The following SMURF1 variants were observed in gnomAD, a reference collection of about 807,000 sequenced individuals.
SMURF1 encodes SMAD specific E3 ubiquitin protein ligase 1.
SMURF1 carries 44 observed loss-of-function variants against 98.0 expected under a neutral mutation model. That is an observed-to-expected ratio of 0.45 (90% confidence interval 0.35 to 0.58). The LOEUF is 0.58. Among genes scored for constraint, SMURF1 ranks in the 20% least tolerant of loss-of-function variants. The pLI, the probability that SMURF1 is intolerant of heterozygous loss-of-function variation, is 0.00. For missense variants in SMURF1, 687 were observed against 938.4 expected (o/e 0.73, Z 3.50); for synonymous variants, 396 against 374.9 (o/e 1.06, Z -0.65).
chr7:99,061,291 T>G (rs1796029745), intron 2 of SMURF1, among the ~76,000 whole-genome samples: 1 of 152,198 alleles, frequency 6.6e-6, no homozygotes, highest in Non-Finnish European at 1.5e-5. Context: ...TCAGAAAGTG[T>G]GTGAAGAATT....
At position 99,035,501 on chromosome 7, in the gene SMURF1, T is replaced by G. The variant is rs1256954242; in HGVS notation, c.2011+14A>C. On this transcript the variant is annotated intron_variant, in intron 16 of 17. Transcript: ENST00000361368. ...AGACGCGTCATCGAATAGCCCTGCC[T>G]CCACGTCAGTCACCTTGCAAAGCCT... is the stretch of plus-strand genomic sequence containing the variant. The G allele has an allele frequency of 1.1e-5, 18 of 1,613,972 alleles. No homozygotes were observed. Among genetic ancestry groups the G allele is most frequent in the Non-Finnish European group, 1.5e-5 (18 of 1,179,988 alleles).
At chr7:99,073,361 G>A (rs1173350662) in intron 1 of SMURF1, among the ~76,000 whole-genome samples, 3 of 142,520 alleles carry the variant, frequency 2.1e-5, no homozygotes, top group African/African-American at 7.9e-5. Context: ...CCTGGGCAAC[G>A]AGTGAGACTC....
intron 6 of SMURF1, among the ~76,000 whole-genome samples, chr7:99,052,655 G>A (rs535287629): frequency 3.3e-5 from 5 of 152,208 alleles, no homozygotes; most frequent in East Asian, 1.9e-4. Flanking sequence ...ACAGGTGGCC[G>A]GAGTGTCCCC....
intron 1 of SMURF1, among the ~76,000 whole-genome samples, chr7:99,108,045 G>T (rs987395017): frequency 1.3e-5 from 2 of 152,112 alleles, no homozygotes; most frequent in Non-Finnish European, 2.9e-5. Context: ...GAACTCACAA[G>T]TTTAAGAAAA....
intron 6 of SMURF1, 41 bp from the exon 7 acceptor site, chr7:99,052,487 A>G (rs1795783080): frequency 6.8e-7 from 1 of 1,477,430 alleles, no homozygotes; most frequent in Non-Finnish European, 9.0e-7. Flanking sequence ...GTCACCATGG[A>G]GGAGTCACAA....
chr7:99,131,437 A>T lies in SMURF1; in HGVS notation c.55+12289T>A, dbSNP rs548711879. Among the ~76,000 whole-genome samples the T allele has an allele frequency of 2.6e-5, 4 of 151,834 alleles. No homozygotes were observed. The South Asian group carries it at 8.4e-4, about 32-fold the overall frequency. On this transcript the variant is annotated intron_variant, in intron 1 of 17. Transcript: ENST00000361368. Reference sequence around the variant, plus strand: ...CCAAGACTACAAGGAACACTAAGGGACTTGGTAGGAAAGAATCAAGGAAAT... The same window carrying T: ...CCAAGACTACAAGGAACACTAAGGGTCTTGGTAGGAAAGAATCAAGGAAAT...
chr7:99,060,824 G>T, intron 2 of SMURF1, 117 bp from the exon 3 acceptor site: 1 of 628,922 alleles, frequency 1.6e-6, no homozygotes, highest in Non-Finnish European at 2.7e-6. Context: ...AATAAGTTAT[G>T]TCTATTGAGC....
intron 1 of SMURF1, among the ~76,000 whole-genome samples, chr7:99,102,167 C>T (rs1250787993): frequency 6.6e-6 from 1 of 151,930 alleles, no homozygotes; most frequent in Admixed American, 6.6e-5. Flanking sequence ...AAAATAGGAT[C>T]CTATACATAG....
intron 1 of SMURF1, among the ~76,000 whole-genome samples, chr7:99,116,063 AG>A (rs1243070616): frequency 6.6e-6 from 1 of 152,262 alleles, no homozygotes; most frequent in African/African-American, 2.4e-5. Flanking sequence ...AATTTAACAT[AG>A]AGCATATTAA....
intron 16 of SMURF1, 107 bp from the exon 17 acceptor site, chr7:99,033,228 C>T (rs1400964904): frequency 2.9e-5 from 31 of 1,086,994 alleles, no homozygotes; most frequent in Non-Finnish European, 3.9e-5. Flanking sequence ...CACCCCCACA[C>T]CCAGGCAGGC....
intron 1 of SMURF1, among the ~76,000 whole-genome samples, chr7:99,089,642 T>TAAAAC (rs59262301): frequency 0.019 from 2,918 of 151,864 alleles, 88 homozygotes; most frequent in African/African-American, 0.062. Context: ...CCCTGTCTCT[T>TAAAAC]AAAACAAAAC....
At chr7:99,041,886 G>A in intron 12 of SMURF1, among the ~76,000 whole-genome samples, 1 of 152,182 alleles carries the variant, frequency 6.6e-6, no homozygotes, top group Admixed American at 6.5e-5. Context: ...GAACAGCTCA[G>A]TTTCACCCTT....
intron 13 of SMURF1, 141 bp from the exon 14 acceptor site, chr7:99,038,666 G>T (rs1235604466): frequency 3.4e-6 from 3 of 892,374 alleles, no homozygotes; most frequent in African/African-American, 1.7e-5. Context: ...CTGCGTGGGG[G>T]TGGCACAGCA....
intron 1 of SMURF1, among the ~76,000 whole-genome samples, chr7:99,122,643 CAAA>C (rs200590592): frequency 1.7e-5 from 2 of 120,018 alleles, no homozygotes; most frequent in African/African-American, 7.9e-5. Context: ...GATTCCGTGT[CAAA>C]AAAAAAAAAA....
rs567457472 is a variant in SMURF1, at chr7:99,090,348, G to A, written c.56-28511C>T. On this transcript the variant is annotated intron_variant, in intron 1 of 17. Transcript: ENST00000361368. ...AGTAGAACTAGTTGATCATGGGTTGGGAGCTATAAACCTACCCCTTCCTTT... is the reference window on the plus strand; with the variant it reads ...AGTAGAACTAGTTGATCATGGGTTGAGAGCTATAAACCTACCCCTTCCTTT... Among the ~76,000 whole-genome samples the A allele has an allele frequency of 2.0e-5, 3 of 152,242 alleles. No individual in the cohort carries two copies. The East Asian group carries it at 5.8e-4, about 29-fold the overall frequency.
Position 99,064,755 on chromosome 7 carries a change from C to T in SMURF1, c.56-2918G>A, listed in dbSNP as rs146764051. 9.9e-5 allele frequency among the ~76,000 whole-genome samples: 15 copies of T among 152,072 alleles called. 1 individual carries two copies. Among genetic ancestry groups the T allele is most frequent in the African/African-American group, 2.7e-4 (11 of 41,484 alleles). Reference sequence around the variant, plus strand: ...ATGTAATCTTTATATACTTCCTTTCCACCTCAGTCTTTTTAGTGGATAGAT... The same window carrying T: ...ATGTAATCTTTATATACTTCCTTTCTACCTCAGTCTTTTTAGTGGATAGAT... On this transcript the variant is annotated intron_variant, in intron 1 of 17. Transcript: ENST00000361368.
In SMURF1 at chr7:99,033,672, G is replaced by C. The variant is rs73711469; in HGVS notation, c.2012-551C>G. ...AAGGACTGCTAAGGCCCCCCCTAAA[G>C]TGCACCCTGACCATGGGCCTGCTCC... is the stretch of plus-strand genomic sequence containing the variant. On this transcript the variant is annotated intron_variant, in intron 16 of 17. Coordinates refer to ENST00000361368, the MANE Select transcript of SMURF1 (RefSeq NM_181349.3). Among the ~76,000 whole-genome samples, 412 of 152,338 alleles carry C rather than the reference G, an allele frequency of 2.7e-3. 2 individuals carry two copies. Among genetic ancestry groups the C allele is most frequent in the African/African-American group, 9.7e-3 (403 of 41,582 alleles).
chr7:99,052,549 T>C (rs993466159), intron 6 of SMURF1, 103 bp from the exon 7 acceptor site: 1 of 1,247,252 alleles, frequency 8.0e-7, no homozygotes, highest in Non-Finnish European at 1.0e-6. Flanking sequence ...ATAAATTGAT[T>C]TGCTTTCCTT....
intron 1 of SMURF1, among the ~76,000 whole-genome samples, chr7:99,071,632 C>T (rs955744001): frequency 2.0e-5 from 3 of 152,120 alleles, no homozygotes; most frequent in Non-Finnish European, 4.4e-5. Flanking sequence ...TGTTTTCTTT[C>T]GTTTGGTTTT....
Sources: gnomAD v4.1 joint callset for allele counts (sites outside exome capture counted in the v4.1 genomes callset) on GRCh38, gnomAD v4.1.1 for gene constraint, MANE v1.5 for transcripts, NCBI Gene and HGNC (gene_info 2026-07-23, HGNC 2026-07-21) for gene names.